Variants in KCNIP4 observed in about 807,000 individuals in gnomAD.
The protein encoded by KCNIP4 is Kv channel-interacting protein 4.
Under a neutral mutation model 34.0 loss-of-function variants are expected in KCNIP4, and 12 were observed. The ratio of observed to expected loss-of-function variants is 0.35; its 90% CI spans 0.23 to 0.57. KCNIP4 has a LOEUF of 0.57. Ranked by LOEUF, KCNIP4 falls within the 20% of genes least tolerant of loss-of-function variation. The pLI is 0.83. For synonymous variants in KCNIP4, 124 were observed against 102.2 expected (o/e 1.21, Z -1.29); for missense variants, 238 against 311.7 (o/e 0.76, Z 1.78).
intron 1 of KCNIP4, among the ~76,000 whole-genome samples, chr4:21,041,262 A>ACACG (rs1553930488): frequency 3.3e-5 from 5 of 151,328 alleles, no homozygotes; most frequent in African/African-American, 1.2e-4. Flanking sequence ...ACACACACAC[A>ACACG]CACGCACATG....
chr4:21,471,801 A>G (rs552518326), intron 1 of KCNIP4, among the ~76,000 whole-genome samples: 1 of 152,342 alleles, frequency 6.6e-6, no homozygotes, highest in South Asian at 2.1e-4. Flanking sequence ...TGGATTTTAA[A>G]TTCAAATGAG....
chr4:21,272,664 A>C (rs1231697307), intron 1 of KCNIP4, among the ~76,000 whole-genome samples: 2 of 152,168 alleles, frequency 1.3e-5, no homozygotes, highest in Non-Finnish European at 2.9e-5. Flanking sequence ...AAGACAAGCT[A>C]TGCCTGTTTA....
intron 1 of KCNIP4, among the ~76,000 whole-genome samples, chr4:21,089,711 T>C (rs1046440868): frequency 6.6e-6 from 1 of 152,176 alleles, no homozygotes; most frequent in Non-Finnish European, 1.5e-5. Context: ...CCTTGGTCCA[T>C]GGAGTATCAC....
At chr4:20,904,212 G>T (rs1265723398) in intron 1 of KCNIP4, among the ~76,000 whole-genome samples, 4 of 152,052 alleles carry the variant, frequency 2.6e-5, no homozygotes, top group South Asian at 4.1e-4. Flanking sequence ...TCAAGTTGGT[G>T]TCATCCAGAG....
At chr4:21,195,953 C>A (rs1197150453) in intron 1 of KCNIP4, among the ~76,000 whole-genome samples, 3 of 152,118 alleles carry the variant, frequency 2.0e-5, no homozygotes, top group South Asian at 2.1e-4. Flanking sequence ...AAGCAGTCAG[C>A]GACCAGATTT....
intron 1 of KCNIP4, among the ~76,000 whole-genome samples, chr4:21,441,971 T>C (rs1253009063): frequency 2.0e-5 from 3 of 152,214 alleles, no homozygotes; most frequent in African/African-American, 7.2e-5. Context: ...CTAAATATCA[T>C]CTATAGAAAA....
Position 20,778,031 on chromosome 4 carries a change from G to A in KCNIP4, c.289-19141C>T, listed in dbSNP as rs567664868. 7.3e-4 allele frequency among the ~76,000 whole-genome samples: 111 copies of A among 152,286 alleles called. 2 individuals carry two copies. Among genetic ancestry groups the A allele is most frequent in the South Asian group, 2.1e-4 (1 of 4,828 alleles). On this transcript the variant is annotated intron_variant, in intron 3 of 8. Coordinates refer to ENST00000382152, the MANE Select transcript of KCNIP4 (RefSeq NM_025221.6). ...AGTAGACAGAGAGGTACAAGGAGAA[G>A]CCGTAGATTATATCAAAGGAACCAA...
intron 1 of KCNIP4, among the ~76,000 whole-genome samples, chr4:21,275,652 A>G (rs796880765): frequency 6.6e-6 from 1 of 152,218 alleles, no homozygotes; most frequent in African/African-American, 2.4e-5. Flanking sequence ...TAGCATAACA[A>G]TAAATAGTAG....
At chr4:20,986,220 A>G (rs1736564718) in intron 1 of KCNIP4, among the ~76,000 whole-genome samples, 1 of 152,160 alleles carries the variant, frequency 6.6e-6, no homozygotes, top group Non-Finnish European at 1.5e-5. Flanking sequence ...CCTGCTGATC[A>G]TCTCAACCCA....
At chr4:21,295,585 A>G (rs973990854) in intron 1 of KCNIP4, among the ~76,000 whole-genome samples, 2 of 152,094 alleles carry the variant, frequency 1.3e-5, no homozygotes, top group Non-Finnish European at 2.9e-5. Context: ...ACTTCTAACC[A>G]GAGTCTCTTG....
At chr4:21,448,788 C>G (rs1160835987) in intron 1 of KCNIP4, among the ~76,000 whole-genome samples, 1 of 152,098 alleles carries the variant, frequency 6.6e-6, no homozygotes, top group East Asian at 1.9e-4. Flanking sequence ...ATAAGTCAGA[C>G]ATAGAGAGGC....
chr4:21,392,737 C>T lies in KCNIP4; in HGVS notation c.62-510028G>A, dbSNP rs532189503. 2.2e-3 allele frequency among the ~76,000 whole-genome samples: 329 copies of T among 152,308 alleles called. 3 individuals carry two copies. Among genetic ancestry groups the T allele is most frequent in the African/African-American group, 7.5e-3 (312 of 41,578 alleles). On this transcript the variant is annotated intron_variant, in intron 1 of 8. Transcript: ENST00000382152. The stretch of plus-strand genomic sequence containing the variant: ...CAAAACAAAGGCTGACAAAGAGAGT[C>T]ATCTGAAATTCTCATTATTAACTTA...
intron 3 of KCNIP4, among the ~76,000 whole-genome samples, chr4:20,827,808 C>CAAAA (rs11295104): frequency 7.0e-6 from 1 of 142,556 alleles, no homozygotes; most frequent in East Asian, 2.1e-4. Flanking sequence ...CCATCCCCCT[C>CAAAA]AAAAAAAAAA....
chr4:21,249,397 AG>A (rs1478820262), intron 1 of KCNIP4, among the ~76,000 whole-genome samples: 1 of 152,122 alleles, frequency 6.6e-6, no homozygotes, highest in African/African-American at 2.4e-5. Flanking sequence ...GAAGGGTAAA[AG>A]CGATGGTATG....
intron 2 of KCNIP4, among the ~76,000 whole-genome samples, chr4:20,871,274 A>G (rs189518532): frequency 6.6e-6 from 1 of 152,064 alleles, no homozygotes; most frequent in East Asian, 1.9e-4. Flanking sequence ...CGGAGTGGCA[A>G]TGTCAAGTGG....
At chr4:21,653,326 T>A (rs1232267926) in intron 1 of KCNIP4, among the ~76,000 whole-genome samples, 1 of 152,168 alleles carries the variant, frequency 6.6e-6, no homozygotes, top group Non-Finnish European at 1.5e-5. Flanking sequence ...AGCTTTCTTA[T>A]CTGCAAAATT....
At chr4:21,420,445 C>T (rs558900359) in intron 1 of KCNIP4, among the ~76,000 whole-genome samples, 2 of 152,236 alleles carry the variant, frequency 1.3e-5, no homozygotes, top group East Asian at 3.9e-4. Context: ...GCAGTCAGTA[C>T]GATACATACA....
At chr4:21,634,572 G>T (rs1385065895) in intron 1 of KCNIP4, among the ~76,000 whole-genome samples, 5 of 151,994 alleles carry the variant, frequency 3.3e-5, no homozygotes, top group Admixed American at 2.0e-4. Flanking sequence ...AAAGGATGCA[G>T]AAATAAAAAC....
intron 1 of KCNIP4, among the ~76,000 whole-genome samples, chr4:21,616,774 C>T (rs960739366): frequency 3.9e-5 from 6 of 152,036 alleles, no homozygotes; most frequent in East Asian, 1.9e-4. Context: ...TGTAAGGACA[C>T]GAGTCATACT....
Sources: gnomAD v4.1 joint callset for allele counts (sites outside exome capture counted in the v4.1 genomes callset) on GRCh38, gnomAD v4.1.1 for gene constraint, MANE v1.5 for transcripts, NCBI Gene and HGNC (gene_info 2026-07-23, HGNC 2026-07-21) for gene names.